The following NMNAT2 variants were observed in gnomAD, a reference collection of about 807,000 sequenced individuals.
The protein encoded by NMNAT2 is nicotinamide/nicotinic acid mononucleotide adenylyltransferase 2.
A neutral mutation model predicts 41.6 loss-of-function variants in NMNAT2; 11 were observed. The observed-to-expected ratio is 0.26, with a 90% confidence interval of 0.17 to 0.44. The LOEUF (loss-of-function observed/expected upper bound fraction) is 0.44, where lower values mean the gene tolerates loss of function less well. Among genes scored for constraint, NMNAT2 ranks in the 20% least tolerant of loss-of-function variants. The pLI is 1.00. For synonymous variants in NMNAT2, 148 were observed against 151.2 expected, an observed-to-expected ratio of 0.98 and a Z score of 0.16; for missense variants, 288 against 407.7, an observed-to-expected ratio of 0.71 and a Z score of 2.53.
intron 1 of NMNAT2, among the ~76,000 whole-genome samples, chr1:183,368,332 TGCA>T (rs1663457320): frequency 6.6e-6 from 1 of 152,154 alleles, no homozygotes; most frequent in Non-Finnish European, 1.5e-5. Context: ...ACATCATGGC[TGCA>T]GTGGACTACA....
intron 1 of NMNAT2, among the ~76,000 whole-genome samples, chr1:183,356,334 C>T (rs1027894356): frequency 2.6e-5 from 4 of 152,182 alleles, no homozygotes; most frequent in African/African-American, 9.7e-5. Flanking sequence ...CAGCCATAGA[C>T]TCTTAGAGCT....
chr1:183,281,270 G>A (rs1178786593), intron 7 of NMNAT2, among the ~76,000 whole-genome samples: 1 of 152,108 alleles, frequency 6.6e-6, no homozygotes, highest in Non-Finnish European at 1.5e-5. Context: ...GGGGACATTG[G>A]GCAATGTCTG....
chr1:183,383,583 C>A (rs1168993523), intron 1 of NMNAT2, among the ~76,000 whole-genome samples: 2 of 152,220 alleles, frequency 1.3e-5, no homozygotes, highest in Admixed American at 6.5e-5. Context: ...TTAGATGCAG[C>A]CAGGCTACAT....
intron 8 of NMNAT2, among the ~76,000 whole-genome samples, chr1:183,261,826 C>T (rs529945117): frequency 1.3e-5 from 2 of 152,332 alleles, no homozygotes; most frequent in Admixed American, 1.3e-4. Context: ...GAATGCATCA[C>T]TGGGCACCCA....
intron 5 of NMNAT2, 41 bp from the exon 6 acceptor site, chr1:183,284,831 G>C: frequency 1.3e-6 from 2 of 1,541,500 alleles, no homozygotes; most frequent in Non-Finnish European, 1.8e-6. Context: ...GAGTGGGAGA[G>C]AACAACTCAC....
chr1:183,292,350 G>T (rs1269741830), intron 3 of NMNAT2, among the ~76,000 whole-genome samples: 1 of 152,212 alleles, frequency 6.6e-6, no homozygotes, highest in African/African-American at 2.4e-5. Flanking sequence ...GTCTCCTGGG[G>T]CCAGTGTGGG....
intron 3 of NMNAT2, among the ~76,000 whole-genome samples, chr1:183,291,756 C>T (rs980200777): frequency 6.6e-6 from 1 of 152,182 alleles, no homozygotes; most frequent in African/African-American, 2.4e-5. Context: ...CCTTTCTTGC[C>T]TACGGGTGTA....
intron 1 of NMNAT2, among the ~76,000 whole-genome samples, chr1:183,353,367 ACAGT>A (rs1320721179): frequency 6.6e-6 from 1 of 152,190 alleles, no homozygotes; most frequent in African/African-American, 2.4e-5. Context: ...TCTTTCCGAA[ACAGT>A]CAGTAGGATC....
intron 5 of NMNAT2, 60 bp from the exon 6 acceptor site, chr1:183,284,850 C>A (rs1661362202): frequency 1.4e-6 from 2 of 1,423,320 alleles, no homozygotes; most frequent in African/African-American, 2.8e-5. Context: ...ACAACTGGCA[C>A]TCATGTCGGC....
At chr1:183,400,664 T>C (rs998217524) in intron 1 of NMNAT2, among the ~76,000 whole-genome samples, 3 of 152,132 alleles carry the variant, frequency 2.0e-5, no homozygotes, top group Non-Finnish European at 4.4e-5. Context: ...CTTCACACTG[T>C]ACTACAAGGC....
intron 1 of NMNAT2, among the ~76,000 whole-genome samples, chr1:183,388,917 T>C (rs1274420804): frequency 3.9e-5 from 6 of 152,232 alleles, no homozygotes; most frequent in East Asian, 1.9e-4. Context: ...GCAGCCTTTG[T>C]TCTTGCCAGC....
chr1:183,416,231 A>G (rs1427632516), intron 1 of NMNAT2, among the ~76,000 whole-genome samples: 1 of 152,232 alleles, frequency 6.6e-6, no homozygotes, highest in Non-Finnish European at 1.5e-5. Context: ...TTCTCTTGTA[A>G]TCTAAAACAA....
At chr1:183,299,990 A>C (rs941056207) in intron 1 of NMNAT2, among the ~76,000 whole-genome samples, 1 of 152,198 alleles carries the variant, frequency 6.6e-6, no homozygotes, top group Non-Finnish European at 1.5e-5. Flanking sequence ...TGCTATTAAG[A>C]GATGGGGCCT....
chr1:183,293,874 TCTGTAATG>T, intron 1 of NMNAT2, 81 bp from the exon 2 acceptor site: 2 of 943,746 alleles, frequency 2.1e-6, no homozygotes, highest in Non-Finnish European at 3.4e-6. Context: ...TACGCTCAGC[TCTGTAATG>T]CTGGGGTTTA....
At chr1:183,357,508 T>C (rs1026890283) in intron 1 of NMNAT2, among the ~76,000 whole-genome samples, 1 of 151,806 alleles carries the variant, frequency 6.6e-6, no homozygotes, top group Non-Finnish European at 1.5e-5. Flanking sequence ...GGATTACAGG[T>C]GTGAGCCACC....
Position 183,411,925 on chromosome 1 carries a change from G to A in NMNAT2, c.85+6258C>T, listed in dbSNP as rs553983349. On this transcript the variant is annotated intron_variant, in intron 1 of 10. Coordinates refer to ENST00000287713, the MANE Select transcript of NMNAT2 (RefSeq NM_015039.4). ...GTTACATTTGAGTAAAGAATTGGAG[G>A]AGGGGAGCGAATGAGACATGGGCTA... Among the ~76,000 whole-genome samples, 44 of 152,272 alleles carry A rather than the reference G, an allele frequency of 2.9e-4. 2 individuals are homozygous for A. The South Asian group carries it at 9.1e-3, about 32-fold the overall frequency.
At chr1:183,406,140 G>T (rs1048267062) in intron 1 of NMNAT2, among the ~76,000 whole-genome samples, 1 of 152,174 alleles carries the variant, frequency 6.6e-6, no homozygotes, top group Admixed American at 6.5e-5. Context: ...TTCAATGATA[G>T]ATAAGACAGC....
chr1:183,283,939 T>A lies in NMNAT2; in HGVS notation c.574+56A>T, dbSNP rs757313542. On this transcript the variant is annotated intron_variant, in intron 7 of 10. Transcript: ENST00000287713. Reference sequence around the variant, plus strand: ...TCTCTGCTCCCCATGTTGCCTGTCGTGAAGGCAGGGAGCTCCAAATGTCCC... The same window carrying A: ...TCTCTGCTCCCCATGTTGCCTGTCGAGAAGGCAGGGAGCTCCAAATGTCCC... 3 of 1,566,762 alleles carry A rather than the reference T, an allele frequency of 1.9e-6. No individual in the cohort carries two copies. In the East Asian group the frequency reaches 6.7e-5, roughly 35 times the overall value.
intron 1 of NMNAT2, among the ~76,000 whole-genome samples, chr1:183,393,953 A>G (rs1648560473): frequency 6.6e-6 from 1 of 152,230 alleles, no homozygotes; most frequent in Non-Finnish European, 1.5e-5. Flanking sequence ...ACAAACTGGG[A>G]CAGCTTATGC....
Sources: gnomAD v4.1 joint callset for allele counts (sites outside exome capture counted in the v4.1 genomes callset) on GRCh38, gnomAD v4.1.1 for gene constraint, MANE v1.5 for transcripts, NCBI Gene and HGNC (gene_info 2026-07-23, HGNC 2026-07-21) for gene names.